C6: variants seen among roughly 807,000 people sequenced by gnomAD.
C6 encodes complement C6.
Under a neutral mutation model 112.9 loss-of-function variants are expected in C6, and 101 were observed. The observed-to-expected ratio is 0.89, with a 90% CI of 0.76 to 1.06. The LOEUF is 1.06. Ranked by LOEUF, C6 falls within the 50% of genes least tolerant of loss-of-function variation. The pLI is 0.00. For synonymous variants in C6, 431 were observed against 384.1 expected, an observed-to-expected ratio of 1.12 and a Z score of -1.43; for missense variants, 1,202 against 1,104.6, an observed-to-expected ratio of 1.09 and a Z score of -1.25.
rs530487378 is a variant in C6 at position 41,192,626 on chromosome 5, T to C, written c.587+3166A>G. ...AAGTTTTTTTTTGTATCCAGGAATT[T>C]ATCCATTTCTTTTAGATTTTCAAAT... On this transcript the variant is annotated intron_variant, in intron 5 of 17. Coordinates refer to ENST00000337836, the MANE Select transcript of C6 (RefSeq NM_000065.5). Among the ~76,000 whole-genome samples, 3 of 152,288 alleles carry C rather than the reference T, an allele frequency of 2.0e-5. No homozygotes were observed. The East Asian group carries it at 5.8e-4, about 29-fold the overall frequency.
chr5:41,168,728 G>C lies in C6; in HGVS notation c.1291+3497C>G, dbSNP rs1748184140. On this transcript the variant is annotated intron_variant, in intron 9 of 17. Coordinates refer to ENST00000337836, the MANE Select transcript of C6 (RefSeq NM_000065.5). ...TTCCTTACGGATGGACTAAATGGCTGGCATCATTGCTAACAAATGTGTCAA... is the reference window on the plus strand; with the variant it reads ...TTCCTTACGGATGGACTAAATGGCTCGCATCATTGCTAACAAATGTGTCAA... Among the ~76,000 whole-genome samples, 3 of 152,028 alleles carry C rather than the reference G, an allele frequency of 2.0e-5. 1 individual carries two copies. The highest frequency in any genetic ancestry group is 4.2e-4 in the South Asian group (2 of 4,816).
At chr5:41,153,759 T>C (rs1746630231) in intron 15 of C6, 51 bp downstream of exon 15, 1 of 1,363,554 alleles carries the variant, frequency 7.3e-7, no homozygotes. Flanking sequence ...ATACTACCAA[T>C]CTCAGGGTGC....
intron 4 of C6, 72 bp from the exon 5 acceptor site, chr5:41,196,005 C>A: frequency 6.4e-7 from 1 of 1,554,622 alleles, no homozygotes; most frequent in South Asian, 1.1e-5. Context: ...ATTTGAAACT[C>A]AAATGCTTTA....
chr5:41,234,998 C>A (rs916137703), intron 1 of C6, among the ~76,000 whole-genome samples: 3 of 150,338 alleles, frequency 2.0e-5, no homozygotes, highest in Admixed American at 2.0e-4. Flanking sequence ...ATTTGGAAAG[C>A]AAGTTAGCAG....
intron 17 of C6, among the ~76,000 whole-genome samples, chr5:41,145,774 T>C (rs1305770363): frequency 6.6e-6 from 1 of 152,218 alleles, no homozygotes; most frequent in Non-Finnish European, 1.5e-5. Flanking sequence ...ATGGAAGGGA[T>C]GGAGTTTGGT....
chr5:41,203,149 C>A lies in C6; in HGVS notation c.82G>T (p.Ala28Ser). 1 of 1,614,110 alleles carries A rather than the reference C, an allele frequency of 6.2e-7. No individual in the cohort carries two copies. The highest frequency in any genetic ancestry group is 2.2e-5 in the East Asian group (1 of 44,876). ...KGQACFCDHY[A>S]WTQWTSCSKT... Reference sequence around the variant, plus strand: ...GAGCAGCTGGTCCACTGAGTCCATGCATAGTGATCACAGAAGCAGGCTTGG... The same window carrying A: ...GAGCAGCTGGTCCACTGAGTCCATGAATAGTGATCACAGAAGCAGGCTTGG... The change falls in exon 2 of 18, where the codon GCA (alanine) becomes TCA (serine). Residue 28 changes from alanine to serine, a missense_variant. Ala to Ser is a moderately conservative substitution (Grantham distance 99). Transcript: ENST00000337836.
chr5:41,204,670 C>CT (rs1196116815), intron 1 of C6, among the ~76,000 whole-genome samples: 1,401 of 98,488 alleles, frequency 0.014, 8 homozygotes, highest in South Asian at 0.021. Flanking sequence ...TTTTTTTTTT[C>CT]TTTTTTTTTT....
intron 1 of C6, among the ~76,000 whole-genome samples, chr5:41,211,604 A>G (rs887549014): frequency 2.6e-4 from 39 of 151,994 alleles, no homozygotes; most frequent in African/African-American, 9.2e-4. Flanking sequence ...CTTTCCTTTC[A>G]ACCACTAGAT....
At chr5:41,191,599 TTA>T (rs1436900093) in intron 5 of C6, among the ~76,000 whole-genome samples, 1 of 152,200 alleles carries the variant, frequency 6.6e-6, no homozygotes, top group African/African-American at 2.4e-5. Flanking sequence ...CATCAGTGTT[TTA>T]TAGTTTTCCT....
At chr5:41,154,734 C>T (rs1465208728) in intron 14 of C6, among the ~76,000 whole-genome samples, 3 of 152,190 alleles carry the variant, frequency 2.0e-5, no homozygotes, top group Non-Finnish European at 4.4e-5. Flanking sequence ...GCATACTTCA[C>T]AGTCCTATGT....
chr5:41,234,917 T>C (rs2150417340), intron 1 of C6, among the ~76,000 whole-genome samples: 1 of 152,230 alleles, frequency 6.6e-6, no homozygotes. Context: ...AATGAGACTT[T>C]ATTAATTTGT....
intron 7 of C6, among the ~76,000 whole-genome samples, chr5:41,178,466 C>CT (rs70988836): frequency 0.013 from 1,328 of 101,580 alleles, 19 homozygotes; most frequent in African/African-American, 0.028. Context: ...TTTTCTTTTT[C>CT]TTTTTTTTTT....
At chr5:41,260,070 A>G (rs186797737) in intron 1 of C6, among the ~76,000 whole-genome samples, 1 of 152,214 alleles carries the variant, frequency 6.6e-6, no homozygotes, top group African/African-American at 2.4e-5. Context: ...GTTATGGATA[A>G]TGATTTCTAG....
intron 1 of C6, among the ~76,000 whole-genome samples, chr5:41,206,357 G>T (rs1319310116): frequency 6.6e-6 from 1 of 152,198 alleles, no homozygotes; most frequent in Non-Finnish European, 1.5e-5. Flanking sequence ...AAGGAACAAA[G>T]CTGAACGGAG....
Position 41,181,354 on chromosome 5 carries a change from G to C in C6, c.927+5C>G, listed in dbSNP as rs755096487. 6.2e-7 allele frequency: 1 copy of C among 1,612,774 alleles called. No homozygotes were observed. Among genetic ancestry groups the C allele is most frequent in the Non-Finnish European group, 8.5e-7 (1 of 1,179,044 alleles). The stretch of plus-strand genomic sequence containing the variant: ...GAATAAAAGGTTGGAAACCATTTTT[G>C]ATACCTTTTTGTGAGAGGCTTGAAT... On this transcript the variant is annotated splice_donor_5th_base_variant and intron_variant, in intron 7 of 17. Coordinates refer to ENST00000337836, the MANE Select transcript of C6 (RefSeq NM_000065.5).
At position 41,204,673 on chromosome 5, in the gene C6, T is replaced by TTTTC. The variant is rs1006150933; in HGVS notation, c.-20-1424_-20-1423insGAAA. ...AAATCAGTAAGCTTTTTTTTTTCTT[T>TTTTC]TTTTTTTTTTTTTTGAGATGGAGTC... On this transcript the variant is annotated intron_variant, in intron 1 of 17. Coordinates refer to ENST00000337836, the MANE Select transcript of C6 (RefSeq NM_000065.5). 4.2e-5 allele frequency among the ~76,000 whole-genome samples: 6 copies of TTTTC among 144,414 alleles called. 1 individual carries two copies. Among genetic ancestry groups the TTTTC allele is most frequent in the African/African-American group, 1.5e-4 (6 of 38,724 alleles). The allele number at this position is 144,414 out of a possible 152,430, so 94.7% of individuals were successfully genotyped here.
chr5:41,237,105 A>G (rs1740369999), intron 1 of C6, among the ~76,000 whole-genome samples: 1 of 121,950 alleles, frequency 8.2e-6, no homozygotes, highest in Admixed American at 8.9e-5. Context: ...AACCAAAAAG[A>G]GTCCATGACC....
At chr5:41,242,252 C>A (rs1352132865) in intron 1 of C6, among the ~76,000 whole-genome samples, 1 of 152,064 alleles carries the variant, frequency 6.6e-6, no homozygotes, top group African/African-American at 2.4e-5. Flanking sequence ...CGGTTTCCCC[C>A]ATCGTGTTCT....
At chr5:41,243,715 C>T (rs1484087693) in intron 1 of C6, among the ~76,000 whole-genome samples, 3 of 152,150 alleles carry the variant, frequency 2.0e-5, no homozygotes, top group Non-Finnish European at 4.4e-5. Context: ...ATCTCTGCTA[C>T]TCTCTGCCTG....
Sources: gnomAD v4.1 joint callset for allele counts (sites outside exome capture counted in the v4.1 genomes callset) on GRCh38, gnomAD v4.1.1 for gene constraint, MANE v1.5 for transcripts, NCBI Gene and HGNC (gene_info 2026-07-23, HGNC 2026-07-21) for gene names.